Variants in RAB1B observed in about 807,000 individuals in gnomAD.
RAB1B encodes the protein ras-related protein Rab-1B.
RAB1B carries 10 observed loss-of-function variants against 24.8 expected under a neutral mutation model. The ratio of observed to expected loss-of-function variants is 0.40; its 90% CI spans 0.25 to 0.68. The LOEUF (loss-of-function observed/expected upper bound fraction) is 0.68, where lower values mean the gene tolerates loss of function less well. Ranked by LOEUF, RAB1B falls within the 30% of genes least tolerant of loss-of-function variation. The pLI, the probability that RAB1B is intolerant of heterozygous loss-of-function variation, is 0.37. For missense variants in RAB1B, 154 were observed against 271.2 expected, an observed-to-expected ratio of 0.57 and a Z score of 3.04; for synonymous variants, 99 against 111.7, an observed-to-expected ratio of 0.89 and a Z score of 0.72.
intron 4 of RAB1B, among the ~76,000 whole-genome samples, chr11:66,275,429 C>T (rs751189460): frequency 2.0e-5 from 3 of 152,208 alleles, no homozygotes; most frequent in Non-Finnish European, 4.4e-5. Flanking sequence ...GGAACTGTGG[C>T]TCTTGCGGAC....
chr11:66,277,440 AAATT>A lies in RAB1B; in HGVS notation c.*1206_*1209del, dbSNP rs1431219637. The A allele has an allele frequency of 6.6e-6, 1 of 152,354 alleles. No homozygotes were observed. The highest frequency in any genetic ancestry group is 2.4e-5 in the African/African-American group (1 of 41,460). 9.4% of individuals were successfully genotyped at this position (152,354 alleles called of 1,614,324 possible). A position where few individuals can be genotyped will look rare whatever the true frequency, so the allele number is the denominator to read the frequency against. On this transcript the variant is annotated 3_prime_UTR_variant, in exon 6 of 6. Transcript: ENST00000311481. The stretch of plus-strand genomic sequence containing the variant: ...GGGGAAAGATGGAAAAGGACAAAAA[AAATT>A]AATAAATTTCCATTGGCCCTCGGGT...
At chr11:66,272,280 A>G in intron 3 of RAB1B, 28 bp downstream of exon 3, 2 of 1,604,132 alleles carry the variant, frequency 1.2e-6, no homozygotes, top group Non-Finnish European at 8.5e-7. Flanking sequence ...CAAAATCCCC[A>G]GTACAGAGGT....
rs925153944 is a variant in RAB1B at position 66,272,264 on chromosome 11, T to A, written c.183+12T>A. The A allele has an allele frequency of 8.1e-6, 13 of 1,611,892 alleles. No individual in the cohort carries two copies. The highest frequency in any genetic ancestry group is 1.1e-5 in the Non-Finnish European group (13 of 1,177,986). ...TCAAACTTCAGATCGTGAGTGTCGC[T>A]CTTCCCAAAATCCCCAGTACAGAGG... is the stretch of plus-strand genomic sequence containing the variant. On this transcript the variant is annotated intron_variant, in intron 3 of 5. Transcript: ENST00000311481.
At chr11:66,271,671 TAAAAAA>T (rs970645167) in intron 1 of RAB1B, 120 bp from the exon 2 acceptor site, 2 of 569,530 alleles carry the variant, frequency 3.5e-6, no homozygotes, top group Non-Finnish European at 6.2e-6. Flanking sequence ...ACCTTATTGC[TAAAAAA>T]AAAATAAAAA....
intron 1 of RAB1B, among the ~76,000 whole-genome samples, 190 bp downstream of exon 1, chr11:66,268,883 C>A (rs1856997352): frequency 7.5e-6 from 1 of 132,608 alleles, no homozygotes; most frequent in Admixed American, 8.1e-5. Context: ...CGGCTCAAAA[C>A]CCCGAGCCCT....
rs201875137 is a variant in RAB1B at position 66,271,878 on chromosome 11, G to C, written c.87+9G>C. Reference sequence around the variant, plus strand: ...TGCTCCTGCGGTTTGCTGTGAGTAAGAAGCCTCCCATACCATCCACCTGGG... The same window carrying C: ...TGCTCCTGCGGTTTGCTGTGAGTAACAAGCCTCCCATACCATCCACCTGGG... On this transcript the variant is annotated intron_variant, in intron 2 of 5. Coordinates refer to ENST00000311481, the MANE Select transcript of RAB1B (RefSeq NM_030981.3). The C allele has an allele frequency of 3.7e-6, 6 of 1,612,360 alleles. No homozygotes were observed. The highest frequency in any genetic ancestry group is 5.1e-6 in the Non-Finnish European group (6 of 1,178,456).
rs948516452 is a variant in RAB1B, at chr11:66,276,823, G to A, written c.*585G>A. ...CTCCCAGCTCGAGCCGTCCAGCTGC[G>A]GTGGGATCTGAGTATATCTAGGGCG... On this transcript the variant is annotated 3_prime_UTR_variant, in exon 6 of 6. Coordinates refer to ENST00000311481, the MANE Select transcript of RAB1B (RefSeq NM_030981.3). The A allele has an allele frequency of 1.4e-4, 20 of 147,272 alleles. No individual in the cohort carries two copies. Among genetic ancestry groups the A allele is most frequent in the Admixed American group, 1.3e-3 (20 of 14,918 alleles). The allele number at this position is 147,272 out of a possible 1,614,324, so 9.1% of individuals were successfully genotyped here. A position where few individuals can be genotyped will look rare whatever the true frequency, so the allele number is the denominator to read the frequency against.
intron 4 of RAB1B, among the ~76,000 whole-genome samples, chr11:66,275,370 T>G (rs966331230): frequency 2.0e-5 from 3 of 152,210 alleles, no homozygotes; most frequent in African/African-American, 7.2e-5. Flanking sequence ...ACCCTCGAAC[T>G]CCTGTGCTCC....
chr11:66,270,564 G>C (rs1198404781), intron 1 of RAB1B: 1 of 152,260 alleles, frequency 6.6e-6, no homozygotes, highest in Non-Finnish European at 1.5e-5. Flanking sequence ...GTGAGAGAGC[G>C]AGACTCTGTC....
intron 4 of RAB1B, among the ~76,000 whole-genome samples, chr11:66,274,779 CCCCCCTCCCTGTT>C (rs1314185681): frequency 7.8e-6 from 1 of 127,630 alleles, no homozygotes; most frequent in Non-Finnish European, 1.6e-5. Flanking sequence ...CCCTCCCTGT[CCCCCCTCCCTGTT>C]GAGTGTCTGC....
At chr11:66,272,529 C>A in intron 4 of RAB1B, 69 bp downstream of exon 4, 1 of 1,003,672 alleles carries the variant, frequency 1.0e-6, no homozygotes, top group Non-Finnish European at 1.5e-6. Context: ...CTTTTTCCTC[C>A]TTCCATCCTC....
chr11:66,273,874 G>A (rs1191590421), intron 4 of RAB1B, among the ~76,000 whole-genome samples: 2 of 152,160 alleles, frequency 1.3e-5, no homozygotes, highest in Non-Finnish European at 2.9e-5. Flanking sequence ...TGGCTTTTGA[G>A]CACACCCTTT....
chr11:66,272,244 C>T lies in RAB1B; in HGVS notation c.175C>T (p.Leu59Phe), dbSNP rs1857072020. ...CGAGCTGGATGGCAAAACTATCAAA[C>T]TTCAGATCGTGAGTGTCGCTCTTCC... ...TIELDGKTIK[L>F]QIWDTAGQER... is the part of the protein sequence containing the mutation. Residue 59 changes from leucine to phenylalanine, a missense_variant, in exon 3 of 6, where the codon CTT becomes TTT. Physicochemically the swap from Leu to Phe is conservative, Grantham distance 22 (BLOSUM62 0). Transcript: ENST00000311481. The T allele has an allele frequency of 6.2e-7, 1 of 1,613,146 alleles. No homozygotes were observed. Among genetic ancestry groups the T allele is most frequent in the African/African-American group, 1.3e-5 (1 of 74,912 alleles).
Position 66,268,650 on chromosome 11 carries a change from G to A in RAB1B, c.-30G>A, listed in dbSNP as rs764451011. The A allele has an allele frequency of 3.2e-6, 5 of 1,560,388 alleles. No individual in the cohort carries two copies. The African/African-American group carries it at 6.8e-5, about 21-fold the overall frequency. On this transcript the variant is annotated 5_prime_UTR_variant, in exon 1 of 6. Transcript: ENST00000311481. ...ACGGGAGGCGGAGCAGAGTCGACTGGGAGCGACCGAGCGGGCCGCCGCCGC... is the reference window on the plus strand; with the variant it reads ...ACGGGAGGCGGAGCAGAGTCGACTGAGAGCGACCGAGCGGGCCGCCGCCGC...
chr11:66,273,473 C>T (rs961163085), intron 4 of RAB1B, among the ~76,000 whole-genome samples: 2 of 152,216 alleles, frequency 1.3e-5, no homozygotes, highest in African/African-American at 2.4e-5. Context: ...GACCATCCCC[C>T]GCTCCTCAGT....
At chr11:66,268,745 G>A (rs776227148) in intron 1 of RAB1B, 52 bp downstream of exon 1, 2 of 1,520,162 alleles carry the variant, frequency 1.3e-6, no homozygotes, top group African/African-American at 1.4e-5. Flanking sequence ...CCGAATACAG[G>A]GCTGTACGCT....
intron 4 of RAB1B, among the ~76,000 whole-genome samples, chr11:66,274,786 C>T (rs1028256297): frequency 1.4e-5 from 2 of 146,436 alleles, no homozygotes; most frequent in African/African-American, 5.1e-5. Context: ...TGTCCCCCCT[C>T]CCTGTTGAGT....
At position 66,269,543 on chromosome 11, in the gene RAB1B, TTTTTCTAC is replaced by T. The variant is rs1423096898; in HGVS notation, c.14+852_14+859del. Among the ~76,000 whole-genome samples the T allele has an allele frequency of 2.6e-5, 4 of 152,328 alleles. No individual in the cohort carries two copies. In the East Asian group the frequency reaches 5.8e-4, roughly 22 times the overall value. ...ATCTTCTTCCTTTTCTGCCACTTCC[TTTTTCTAC>T]TCCACATCCAGGTCTCAGATTTCCT... On this transcript the variant is annotated intron_variant, in intron 1 of 5. Transcript: ENST00000311481.
At chr11:66,272,338 C>A in intron 3 of RAB1B, 27 bp from the exon 4 acceptor site, 1 of 1,609,900 alleles carries the variant, frequency 6.2e-7, no homozygotes, top group African/African-American at 1.3e-5. Context: ...CCTCAGCTGA[C>A]CTGCTCCTCT....
Sources: allele counts gnomAD v4.1 joint callset (sites outside exome capture counted in the v4.1 genomes callset), GRCh38; gene constraint gnomAD v4.1.1; transcripts MANE v1.5; gene names NCBI Gene and HGNC (gene_info 2026-07-23, HGNC 2026-07-21).